COL17A1: variants seen among roughly 807,000 people sequenced by gnomAD.
The protein encoded by COL17A1 is collagen alpha-1(XVII) chain.
COL17A1 carries 181 observed loss-of-function variants against 218.4 expected under a neutral mutation model. The ratio of observed to expected loss-of-function variants is 0.83; its 90% CI spans 0.73 to 0.94. The LOEUF (loss-of-function observed/expected upper bound fraction) is 0.94, where lower values mean the gene tolerates loss of function less well. Ranked by LOEUF, COL17A1 falls within the 40% of genes least tolerant of loss-of-function variation. The pLI, the probability that COL17A1 is intolerant of heterozygous loss-of-function variation, is 0.00. For synonymous variants in COL17A1, 721 were observed against 731.0 expected (o/e 0.99, Z 0.22); for missense variants, 1,924 against 1,945.9 (o/e 0.99, Z 0.21).
Position 104,057,094 on chromosome 10 carries a change from C to T in COL17A1, c.1346G>A (p.Trp449Ter). The change falls in exon 17 of 56, where the codon TGG (tryptophan) becomes TAG (stop). Residue 449 changes from tryptophan to a stop codon, truncating the protein, a stop_gained. Coordinates refer to ENST00000648076, the MANE Select transcript of COL17A1 (RefSeq NM_000494.4). LOFTEE classifies it high-confidence loss of function. ...GGVGGAGGGP[W>*]GPAPAWCPCG... is the part of the protein sequence containing the mutation. ...GGGGCACCAGGCTGGCGCTGGTCCC[C>T]AAGGGCCGCCGCCAGCGCCACCAAC... 1 of 1,612,754 alleles carries T rather than the reference C, an allele frequency of 6.2e-7. No individual in the cohort carries two copies. Among genetic ancestry groups the T allele is most frequent in the South Asian group, 1.1e-5 (1 of 91,032 alleles).
rs899889612 is a variant in COL17A1, at chr10:104,084,117, A to G, written c.-12+1606T>C. On this transcript the variant is annotated intron_variant, in intron 1 of 55. Coordinates refer to ENST00000648076, the MANE Select transcript of COL17A1 (RefSeq NM_000494.4). The stretch of plus-strand genomic sequence containing the variant: ...GCTACATTTGGTATCCTGGATTTTC[A>G]TGACTGGGAGCAGGTGGGATAGGGC... Among the ~76,000 whole-genome samples the G allele has an allele frequency of 2.0e-5, 3 of 152,156 alleles. No homozygotes were observed. The South Asian group carries it at 6.2e-4, about 31-fold the overall frequency.
rs2086589660 is a variant in COL17A1 at position 104,062,280 on chromosome 10, A to G, written c.888T>C (p.His296=). The change falls in exon 12 of 56, where the codon CAT becomes CAC. Residue 296 remains histidine, a synonymous_variant. Transcript: ENST00000648076. The part of the protein sequence containing the change: ...NLAPSLTTLS[H]GTTTTSTAYG... ...GACCTGTGGAAGTGGTGGTGGTGCCATGGGACAGGGTGGTCAAGCTGGGGG... is the reference window on the plus strand; with the variant it reads ...GACCTGTGGAAGTGGTGGTGGTGCCGTGGGACAGGGTGGTCAAGCTGGGGG... The G allele has an allele frequency of 1.2e-6, 2 of 1,614,218 alleles. No homozygotes were observed. The highest frequency in any genetic ancestry group is 1.3e-5 in the African/African-American group (1 of 75,038).
chr10:104,074,300 A>G (rs1277736865), intron 5 of COL17A1, 69 bp from the exon 6 acceptor site: 4 of 1,609,836 alleles, frequency 2.5e-6, no homozygotes, highest in East Asian at 2.2e-5. Flanking sequence ...AACGGGAGGT[A>G]GTGCCTGTTA....
chr10:104,039,939 C>A (rs763431619), intron 41 of COL17A1, 34 bp downstream of exon 41: 14 of 1,613,988 alleles, frequency 8.7e-6, no homozygotes, highest in Middle Eastern at 1.6e-4. Flanking sequence ...CCCACCCCTA[C>A]CCCAGGTTTT....
intron 48 of COL17A1, among the ~76,000 whole-genome samples, chr10:104,036,113 T>G (rs1464098701): frequency 1.3e-5 from 1 of 77,332 alleles, no homozygotes; most frequent in Non-Finnish European, 2.7e-5. Flanking sequence ...GGAGTGTGTG[T>G]GTATGGGAGT....
Position 104,041,480 on chromosome 10 carries a change from C to T in COL17A1, c.2605+5G>A, listed in dbSNP as rs772269410. ...CCACCTTCCAAAGGTCTCCAAGATA[C>T]TCACCTGGTGGCCCGCGTGGGCCGG... is the stretch of plus-strand genomic sequence containing the variant. On this transcript the variant is annotated splice_donor_5th_base_variant and intron_variant, in intron 37 of 55. Coordinates refer to ENST00000648076, the MANE Select transcript of COL17A1 (RefSeq NM_000494.4). The T allele has an allele frequency of 2.5e-6, 4 of 1,609,940 alleles. No homozygotes were observed. Among genetic ancestry groups the T allele is most frequent in the Admixed American group, 3.4e-5 (2 of 59,568 alleles).
intron 9 of COL17A1, among the ~76,000 whole-genome samples, chr10:104,067,644 A>G (rs1331988758): frequency 2.0e-5 from 3 of 152,190 alleles, no homozygotes; most frequent in Non-Finnish European, 2.9e-5. Context: ...CCTGAAGGCA[A>G]GGGAGCCGGC....
intron 23 of COL17A1, 95 bp downstream of exon 23, chr10:104,052,936 G>C: frequency 7.0e-7 from 1 of 1,430,684 alleles, no homozygotes; most frequent in Non-Finnish European, 9.8e-7. Flanking sequence ...AGGAAGGGGG[G>C]AGAAACAGAG....
At position 104,041,571 on chromosome 10, in the gene COL17A1, G is replaced by T. The variant is rs201348528; in HGVS notation, c.2552-33C>A. 1.1e-4 allele frequency: 179 copies of T among 1,585,824 alleles called. 1 individual carries two copies. Among genetic ancestry groups the T allele is most frequent in the Middle Eastern group, 8.3e-4 (5 of 6,008 alleles). Reference sequence around the variant, plus strand: ...GAGAAGAAAATAGAAATGAGCAAAAGCTGTCACGAGGCTGCTCTCTGCCAC... The same window carrying T: ...GAGAAGAAAATAGAAATGAGCAAAATCTGTCACGAGGCTGCTCTCTGCCAC... On this transcript the variant is annotated intron_variant, in intron 36 of 55. Coordinates refer to ENST00000648076, the MANE Select transcript of COL17A1 (RefSeq NM_000494.4).
At chr10:104,080,015 C>T (rs564363537) in intron 2 of COL17A1, among the ~76,000 whole-genome samples, 4 of 151,920 alleles carry the variant, frequency 2.6e-5, no homozygotes, top group Admixed American at 6.6e-5. Context: ...TATAGAACCT[C>T]TCATTGTATA....
intron 43 of COL17A1, 106 bp downstream of exon 43, chr10:104,039,339 A>C: frequency 7.6e-7 from 1 of 1,319,734 alleles, no homozygotes; most frequent in Admixed American, 1.8e-5. Context: ...TCTCTCTCCC[A>C]AGACTTTACA....
intron 39 of COL17A1, among the ~76,000 whole-genome samples, 173 bp from the exon 40 acceptor site, chr10:104,040,583 T>TGGAG (rs1192937428): frequency 2.0e-4 from 31 of 151,426 alleles, no homozygotes; most frequent in African/African-American, 7.0e-4. Flanking sequence ...GATGGATGGA[T>TGGAG]GGATGGATGG....
chr10:104,054,957 TA>T, intron 20 of COL17A1, 23 bp downstream of exon 20: 1 of 1,614,028 alleles, frequency 6.2e-7, no homozygotes. Flanking sequence ...ATATTTAAGG[TA>T]AAAATGCCCA....
At chr10:104,079,366 T>C (rs2086741795) in intron 2 of COL17A1, among the ~76,000 whole-genome samples, 1 of 152,140 alleles carries the variant, frequency 6.6e-6, no homozygotes, top group Non-Finnish European at 1.5e-5. Context: ...TATGCATGCA[T>C]GCATGTGTGT....
At chr10:104,049,535 G>A in intron 28 of COL17A1, 64 bp from the exon 29 acceptor site, 1 of 1,540,854 alleles carries the variant, frequency 6.5e-7, no homozygotes, top group South Asian at 1.1e-5. Flanking sequence ...AACAATGGTG[G>A]TCTGCTCCCT....
At chr10:104,054,535 C>G (rs542243754) in intron 20 of COL17A1, among the ~76,000 whole-genome samples, 4 of 152,064 alleles carry the variant, frequency 2.6e-5, no homozygotes, top group South Asian at 4.2e-4. Context: ...AGAAGAGACT[C>G]GAGGGCCCCA....
At position 104,047,739 on chromosome 10, in the gene COL17A1, C is replaced by T. The variant is rs1283518415; in HGVS notation, c.2335G>A (p.Gly779Ser). Reference sequence around the variant, plus strand: ...TGGCTCCCTCTTCCTGCTCTGTTACCTGGCTTTCCTGGGTCTCCAGAAGGT... The same window carrying T: ...TGGCTCCCTCTTCCTGCTCTGTTACTTGGCTTTCCTGGGTCTCCAGAAGGT... ...PGPSGDPGKPGLTGPQGPQGL... is the reference protein window; with the variant it reads ...PGPSGDPGKPSLTGPQGPQGL... The change falls in exon 31 of 56, where the codon GGT becomes AGT. Residue 779 changes from glycine to serine, a missense_variant and splice_region_variant. By Grantham distance (56) the Gly-to-Ser change is moderately conservative. Coordinates refer to ENST00000648076, the MANE Select transcript of COL17A1 (RefSeq NM_000494.4). 6.8e-6 allele frequency: 11 copies of T among 1,613,830 alleles called. No homozygotes were observed. The highest frequency in any genetic ancestry group is 9.3e-6 in the Non-Finnish European group (11 of 1,179,688).
chr10:104,032,071 A>C lies in COL17A1; in HGVS notation c.*164T>G, dbSNP rs531811963. ...GATTGTGTATCTTTGACTGAATTCTATAAGTATATATTGTTCAGACTAAAA... is the reference window on the plus strand; with the variant it reads ...GATTGTGTATCTTTGACTGAATTCTCTAAGTATATATTGTTCAGACTAAAA... On this transcript the variant is annotated 3_prime_UTR_variant, in exon 56 of 56. Transcript: ENST00000648076. The C allele has an allele frequency of 4.6e-6, 3 of 652,402 alleles. No homozygotes were observed. Among genetic ancestry groups the C allele is most frequent in the Non-Finnish European group, 8.3e-6 (3 of 360,734 alleles). The allele number at this position is 652,402 out of a possible 1,614,324, so 40.4% of individuals were successfully genotyped here. A position where few individuals can be genotyped will look rare whatever the true frequency, so the allele number is the denominator to read the frequency against.
chr10:104,041,626 C>A (rs2086360970), intron 36 of COL17A1, 88 bp from the exon 37 acceptor site: 3 of 1,079,804 alleles, frequency 2.8e-6, no homozygotes, highest in Admixed American at 3.9e-5. Context: ...ATCTGCAGTT[C>A]CAGGCACTCC....
Sources: gnomAD v4.1 joint callset for allele counts (sites outside exome capture counted in the v4.1 genomes callset) on GRCh38, gnomAD v4.1.1 for gene constraint, MANE v1.5 for transcripts, NCBI Gene and HGNC (gene_info 2026-07-23, HGNC 2026-07-21) for gene names.